Variants in NUP133 observed in about 807,000 individuals in gnomAD.
NUP133 encodes the protein nucleoporin 133, also known as nuclear pore complex protein Nup133.
NUP133 carries 66 observed loss-of-function variants against 146.2 expected under a neutral mutation model. That is an observed-to-expected ratio of 0.45 (90% CI 0.37 to 0.55). NUP133 has a LOEUF of 0.55. NUP133 is among the 20% of genes least tolerant of loss of function. NUP133 has a pLI of 0.00. For synonymous variants in NUP133, 521 were observed against 498.8 expected, an observed-to-expected ratio of 1.04 and a Z score of -0.59; for missense variants, 1,277 against 1,374.8, an observed-to-expected ratio of 0.93 and a Z score of 1.12.
chr1:229,463,418 T>A, intron 19 of NUP133, 125 bp downstream of exon 19: 2 of 1,113,782 alleles, frequency 1.8e-6, no homozygotes, highest in Non-Finnish European at 1.3e-6. Flanking sequence ...TATCTTCTCA[T>A]CAAAGTTAAC....
chr1:229,464,404 T>TATG (rs1308729968), intron 18 of NUP133, among the ~76,000 whole-genome samples: 2 of 152,204 alleles, frequency 1.3e-5, no homozygotes, highest in Admixed American at 6.5e-5. Flanking sequence ...GTTGTTTGTT[T>TATG]ATGTATTTAT....
Position 229,490,045 on chromosome 1 carries a change from G to C in NUP133, c.1104C>G (p.Ile368Met), listed in dbSNP as rs759829960. 1.9e-6 allele frequency: 3 copies of C among 1,611,562 alleles called. No individual in the cohort carries two copies. In the African/African-American group the frequency reaches 4.0e-5, roughly 22 times the overall value. ...CTTCTATTGTTATCAGAGAGTAATAGATGAGACATGGATTGTCTGCTGAGT... is the reference window on the plus strand; with the variant it reads ...CTTCTATTGTTATCAGAGAGTAATACATGAGACATGGATTGTCTGCTGAGT... The part of the protein sequence containing the change: ...AWHSADNPCL[I>M]YYSLITIEDN... The change falls in exon 9 of 26, where the codon ATC (isoleucine) becomes ATG (methionine). Residue 368 changes from isoleucine to methionine, a missense_variant. Ile to Met is a conservative substitution (Grantham distance 10, BLOSUM62 1). This residue lies in a region of NUP133 where 952 missense variants were observed against 1,047.0 expected (regional missense o/e 0.91). Transcript: ENST00000261396.
chr1:229,504,264 G>A (rs1030415559), intron 2 of NUP133, among the ~76,000 whole-genome samples: 13 of 152,090 alleles, frequency 8.5e-5, no homozygotes, highest in African/African-American at 3.1e-4. Context: ...CTAAACATAT[G>A]AGATGCATTC....
chr1:229,464,293 T>C lies in NUP133; in HGVS notation c.2551+331A>G, dbSNP rs537518807. On this transcript the variant is annotated intron_variant, in intron 18 of 25. Coordinates refer to ENST00000261396, the MANE Select transcript of NUP133 (RefSeq NM_018230.3). ...CCTTTGCCAAACAGCCATAATATCTTATCTGTACCCCTCAAGCAGCCCTCA... is the reference window on the plus strand; with the variant it reads ...CCTTTGCCAAACAGCCATAATATCTCATCTGTACCCCTCAAGCAGCCCTCA... 3.9e-5 allele frequency among the ~76,000 whole-genome samples: 6 copies of C among 152,308 alleles called. No individual in the cohort carries two copies. The South Asian group carries it at 1.0e-3, about 26-fold the overall frequency.
At chr1:229,451,740 A>AT (rs1212692757) in intron 22 of NUP133, among the ~76,000 whole-genome samples, 1 of 152,184 alleles carries the variant, frequency 6.6e-6, no homozygotes, top group African/African-American at 2.4e-5. Context: ...CACTCAAAAG[A>AT]TAATAGTTTT....
intron 21 of NUP133, among the ~76,000 whole-genome samples, chr1:229,456,378 AG>A (rs934186322): frequency 6.6e-6 from 1 of 152,202 alleles, no homozygotes; most frequent in Admixed American, 6.5e-5. Context: ...CCTGTAAAGA[AG>A]CATTTCACTG....
At chr1:229,459,303 G>T (rs1251857593) in intron 20 of NUP133, among the ~76,000 whole-genome samples, 1 of 152,128 alleles carries the variant, frequency 6.6e-6, no homozygotes, top group Admixed American at 6.6e-5. Flanking sequence ...TGGGTGGATT[G>T]CTTGAGCCCA....
intron 14 of NUP133, among the ~76,000 whole-genome samples, chr1:229,474,237 C>T (rs546359178): frequency 7.4e-4 from 112 of 152,302 alleles, no homozygotes; most frequent in Admixed American, 2.2e-3. Flanking sequence ...CGAGTGATTC[C>T]GGGTGAAACC....
At chr1:229,472,192 G>A (rs1049573760) in intron 14 of NUP133, among the ~76,000 whole-genome samples, 19 of 151,992 alleles carry the variant, frequency 1.3e-4, no homozygotes, top group South Asian at 2.1e-4. Flanking sequence ...GGTGGCAGGC[G>A]CCTGTAGTCC....
chr1:229,481,154 A>G (rs1661201790), intron 12 of NUP133, among the ~76,000 whole-genome samples: 4 of 152,132 alleles, frequency 2.6e-5, no homozygotes, highest in African/African-American at 7.2e-5. Context: ...GGATGAGTTC[A>G]GCACAGCTGT....
At chr1:229,502,297 C>T (rs763401400) in intron 2 of NUP133, among the ~76,000 whole-genome samples, 195 bp from the exon 3 acceptor site, 1 of 152,030 alleles carries the variant, frequency 6.6e-6, no homozygotes, top group Admixed American at 6.5e-5. Flanking sequence ...ATATATCTAA[C>T]GCCTGTAATC....
chr1:229,451,700 A>T (rs1477792216), intron 22 of NUP133, among the ~76,000 whole-genome samples: 1 of 152,228 alleles, frequency 6.6e-6, no homozygotes, highest in Non-Finnish European at 1.5e-5. Flanking sequence ...TCAGAAAAAA[A>T]GCTATCTGCT....
intron 6 of NUP133, 118 bp from the exon 7 acceptor site, chr1:229,496,165 T>C (rs1041720770): frequency 1.9e-5 from 16 of 844,400 alleles, no homozygotes; most frequent in Admixed American, 3.7e-5. Context: ...ATTCTTCATT[T>C]GGGATTTAAA....
Position 229,459,288 on chromosome 1 carries a change from T to C in NUP133, c.2845-992A>G, listed in dbSNP as rs531461602. ...CCGTAATCCCAGAACGTTGGGAGGC[T>C]GATGTGGGTGGATTGCTTGAGCCCA... On this transcript the variant is annotated intron_variant, in intron 20 of 25. Coordinates refer to ENST00000261396, the MANE Select transcript of NUP133 (RefSeq NM_018230.3). Among the ~76,000 whole-genome samples the C allele has an allele frequency of 1.6e-4, 25 of 152,238 alleles. No individual in the cohort carries two copies. In the South Asian group the frequency reaches 5.0e-3, roughly 30 times the overall value.
At chr1:229,445,709 A>C (rs1660287188) in intron 24 of NUP133, among the ~76,000 whole-genome samples, 1 of 152,212 alleles carries the variant, frequency 6.6e-6, no homozygotes, top group South Asian at 2.1e-4. Context: ...ATAACTTTAA[A>C]ATTTTTAAAC....
Position 229,508,264 on chromosome 1 carries a change from G to A in NUP133, c.-15C>T, listed in dbSNP as rs990744717. 3.4e-6 allele frequency: 5 copies of A among 1,486,694 alleles called. No homozygotes were observed. Among genetic ancestry groups the A allele is most frequent in the Non-Finnish European group, 4.5e-6 (5 of 1,117,378 alleles). 92.1% of individuals were successfully genotyped at this position (1,486,694 alleles called of 1,614,324 possible). On this transcript the variant is annotated 5_prime_UTR_variant, in exon 1 of 26. Coordinates refer to ENST00000261396, the MANE Select transcript of NUP133 (RefSeq NM_018230.3). ...GCTGGGAACATGACTCCAAGGAGCA[G>A]CGACTAGGACAGCGAGGGATCTGGC...
intron 8 of NUP133, among the ~76,000 whole-genome samples, chr1:229,495,098 A>G (rs1343867239): frequency 6.6e-6 from 1 of 152,214 alleles, no homozygotes; most frequent in Non-Finnish European, 1.5e-5. Context: ...GACCCGCACT[A>G]AAAGAACAGG....
At chr1:229,505,504 T>C (rs1352648883) in intron 2 of NUP133, among the ~76,000 whole-genome samples, 1 of 150,194 alleles carries the variant, frequency 6.7e-6, no homozygotes, top group African/African-American at 2.4e-5. Flanking sequence ...AGACTTAATT[T>C]GATTGTGTTC....
At chr1:229,450,027 G>A (rs567691014) in intron 23 of NUP133, among the ~76,000 whole-genome samples, 13 of 150,266 alleles carry the variant, frequency 8.7e-5, no homozygotes, top group Admixed American at 1.3e-4. Flanking sequence ...ACAGGCGTGC[G>A]CCACCATACC....
Sources: allele counts gnomAD v4.1 joint callset (sites outside exome capture counted in the v4.1 genomes callset), GRCh38; gene constraint gnomAD v4.1.1; regional missense constraint gnomAD v4.1.1; transcripts MANE v1.5; gene names NCBI Gene and HGNC (gene_info 2026-07-23, HGNC 2026-07-21).